The following ADGRE1 variants were observed in gnomAD, a reference collection of about 807,000 sequenced individuals.
The protein encoded by ADGRE1 is EGF-like module receptor 1.
ADGRE1 carries 82 observed loss-of-function variants against 102.7 expected under a neutral mutation model. That is an observed-to-expected ratio of 0.80 (90% CI 0.67 to 0.96). ADGRE1 has a LOEUF of 0.96. Ranked by LOEUF, ADGRE1 falls within the 40% of genes least tolerant of loss-of-function variation. The pLI is 0.00. For synonymous variants in ADGRE1, 398 were observed against 399.6 expected (o/e 1.00, Z 0.05); for missense variants, 1,032 against 1,085.3 (o/e 0.95, Z 0.69).
intron 8 of ADGRE1, among the ~76,000 whole-genome samples, chr19:6,905,308 A>G (rs1973913111): frequency 6.6e-6 from 1 of 151,062 alleles, no homozygotes; most frequent in Admixed American, 6.6e-5. Context: ...TGCTCATGCC[A>G]CTGCACTCAA....
intron 10 of ADGRE1, among the ~76,000 whole-genome samples, chr19:6,909,803 T>C (rs7408925): frequency 0.98 from 148,420 of 152,112 alleles, 72,509 homozygotes; most frequent in Middle Eastern, 1. Context: ...GGTGCGATCT[T>C]GGCTCACCGC....
intron 18 of ADGRE1, 128 bp from the exon 19 acceptor site, chr19:6,937,115 C>T: frequency 9.9e-7 from 1 of 1,005,092 alleles, no homozygotes; most frequent in South Asian, 1.6e-5. Context: ...TTGGAGACCC[C>T]ACCCTACATT....
chr19:6,922,938 G>A (rs913550815), intron 14 of ADGRE1, among the ~76,000 whole-genome samples: 6 of 151,828 alleles, frequency 4.0e-5, no homozygotes, highest in East Asian at 2.0e-4. Context: ...TTAGCCGGGC[G>A]TGGTGGCGGG....
intron 11 of ADGRE1, among the ~76,000 whole-genome samples, chr19:6,915,030 G>A (rs183191015): frequency 1.0e-3 from 159 of 151,538 alleles, no homozygotes; most frequent in African/African-American, 3.8e-3. Flanking sequence ...TCTTGAGACA[G>A]GTTCTCACTC....
At chr19:6,922,665 AAG>A (rs1284352438) in intron 14 of ADGRE1, among the ~76,000 whole-genome samples, 2 of 150,716 alleles carry the variant, frequency 1.3e-5, no homozygotes, top group African/African-American at 4.9e-5. Flanking sequence ...CACAAACAAA[AAG>A]AATTCTGAGG....
intron 15 of ADGRE1, among the ~76,000 whole-genome samples, chr19:6,925,809 C>T (rs1160796397): frequency 1.3e-5 from 2 of 152,026 alleles, no homozygotes; most frequent in Non-Finnish European, 2.9e-5. Context: ...GATCCTCCCA[C>T]GTTTGCCTCC....
Position 6,906,480 on chromosome 19 carries a change from A to G in ADGRE1, c.997A>G (p.Ile333Val), listed in dbSNP as rs1205040288. The change falls in exon 9 of 21, where the codon ATC becomes GTC. Residue 333 changes from isoleucine (I) to valine (V), a missense_variant. Physicochemically the swap from Ile to Val is conservative, Grantham distance 29 (BLOSUM62 3). Coordinates refer to ENST00000312053, the MANE Select transcript of ADGRE1 (RefSeq NM_001974.5). ...AGATGTGATACCCGATAATAAGCAG[A>G]TCCAGCAATGCCAAGAGGGAACCGC... ...KEDVIPDNKQIQQCQEGTAVK... is the reference protein window; with the variant it reads ...KEDVIPDNKQVQQCQEGTAVK... 6.2e-7 allele frequency: 1 copy of G among 1,613,970 alleles called. No homozygotes were observed. The highest frequency in any genetic ancestry group is 8.5e-7 in the Non-Finnish European group (1 of 1,179,892).
At position 6,897,495 on chromosome 19, in the gene ADGRE1, C is replaced by G; in HGVS notation, c.462C>G (p.Ser154Arg). The G allele has an allele frequency of 5.0e-6, 8 of 1,597,318 alleles. No homozygotes were observed. Among genetic ancestry groups the G allele is most frequent in the Non-Finnish European group, 6.8e-6 (8 of 1,174,090 alleles). The change falls in exon 5 of 21, where the codon AGC becomes AGG. Residue 154 changes from serine to arginine, a missense_variant. Coordinates refer to ENST00000312053, the MANE Select transcript of ADGRE1 (RefSeq NM_001974.5). ...EHSDCVNSMG[S>R]YSCSCQVGFI... is the part of the protein sequence containing the mutation. ...CTGACTGTGTCAACTCCATGGGAAGCTACAGTTGCAGCTGTCAAGTTGGAT... is the reference window on the plus strand; with the variant it reads ...CTGACTGTGTCAACTCCATGGGAAGGTACAGTTGCAGCTGTCAAGTTGGAT...
intron 3 of ADGRE1, chr19:6,896,839 T>G: frequency 8.3e-6 from 4 of 483,360 alleles, no homozygotes. Flanking sequence ...AAATAATTCC[T>G]GGTCACTGTA....
At chr19:6,925,937 A>G (rs1018244668) in intron 15 of ADGRE1, among the ~76,000 whole-genome samples, 1 of 152,062 alleles carries the variant, frequency 6.6e-6, no homozygotes, top group African/African-American at 2.4e-5. Flanking sequence ...GGCTTGAGCG[A>G]TCTGCCTGCC....
chr19:6,915,129 C>T (rs1184638645), intron 11 of ADGRE1, among the ~76,000 whole-genome samples: 1 of 152,084 alleles, frequency 6.6e-6, no homozygotes, highest in Non-Finnish European at 1.5e-5. Flanking sequence ...CCTCAGCCTC[C>T]TGAGTAGCTG....
chr19:6,909,811 C>T (rs751765897), intron 10 of ADGRE1, among the ~76,000 whole-genome samples: 4 of 151,968 alleles, frequency 2.6e-5, no homozygotes, highest in African/African-American at 7.3e-5. Context: ...CTTGGCTCAC[C>T]GCAACCTCCA....
At chr19:6,930,622 G>A (rs78833396) in intron 17 of ADGRE1, among the ~76,000 whole-genome samples, 3,319 of 151,946 alleles carry the variant, frequency 0.022, 130 homozygotes, top group African/African-American at 0.076. Flanking sequence ...TTTTTGTTTT[G>A]TTTTATTGTT....
At chr19:6,934,422 T>C (rs988349156) in intron 17 of ADGRE1, among the ~76,000 whole-genome samples, 66 of 144,340 alleles carry the variant, frequency 4.6e-4, no homozygotes, top group African/African-American at 7.4e-4. Flanking sequence ...TCTTCTTCTT[T>C]TTTTTTTTTT....
At position 6,901,774 on chromosome 19, in the gene ADGRE1, T is replaced by C. The variant is rs546368454; in HGVS notation, c.515-101T>C. 8 of 1,215,892 alleles carry C rather than the reference T, an allele frequency of 6.6e-6. 1 individual carries two copies. In the African/African-American group the frequency reaches 1.1e-4, roughly 16 times the overall value. 75.3% of individuals were successfully genotyped at this position (1,215,892 alleles called of 1,614,324 possible). A position where few individuals can be genotyped will look rare whatever the true frequency, so the allele number is the denominator to read the frequency against. On this transcript the variant is annotated intron_variant, in intron 5 of 20. Coordinates refer to ENST00000312053, the MANE Select transcript of ADGRE1 (RefSeq NM_001974.5). ...CATGGATATTGGGGAGCATCAGCCC[T>C]GTCTGCTGAAAATCAACACTCAGAG...
chr19:6,917,905 T>C (rs1974459745), intron 12 of ADGRE1, among the ~76,000 whole-genome samples: 2 of 152,294 alleles, frequency 1.3e-5, no homozygotes, highest in South Asian at 4.1e-4. Flanking sequence ...GGCTGTGATA[T>C]GGGCAATCCA....
chr19:6,931,207 T>C (rs7249745), intron 17 of ADGRE1, among the ~76,000 whole-genome samples: 81,944 of 151,414 alleles, frequency 0.54, 24,505 homozygotes, highest in African/African-American at 0.8. Context: ...CTGTGCCTAG[T>C]TTCATTTGTA....
rs1311109680 is a variant in ADGRE1, at chr19:6,887,584, C to G, written c.-25C>G. 3 of 1,611,208 alleles carry G rather than the reference C, an allele frequency of 1.9e-6. No homozygotes were observed. The highest frequency in any genetic ancestry group is 2.5e-6 in the Non-Finnish European group (3 of 1,178,832). On this transcript the variant is annotated 5_prime_UTR_variant, in exon 1 of 21. Transcript: ENST00000312053. The stretch of plus-strand genomic sequence containing the variant: ...CAGCGTTAGTAGAAAAGTTTCTTTT[C>G]TTTGAATGACAGAACTACAGCATAA...
At position 6,919,519 on chromosome 19, in the gene ADGRE1, TC is replaced by T. The variant is rs780029343; in HGVS notation, c.1421-27del. The T allele has an allele frequency of 3.2e-6, 5 of 1,564,134 alleles. No homozygotes were observed. The South Asian group carries it at 5.5e-5, about 17-fold the overall frequency. On this transcript the variant is annotated intron_variant, in intron 12 of 20. Coordinates refer to ENST00000312053, the MANE Select transcript of ADGRE1 (RefSeq NM_001974.5). ...AATAACAATTGAGCAAACGATTCCT[TC>T]CTTTTTTTCATTTGGGGAAACCTGC...
Sources: gnomAD v4.1 joint callset for allele counts (sites outside exome capture counted in the v4.1 genomes callset) on GRCh38, gnomAD v4.1.1 for gene constraint, MANE v1.5 for transcripts, NCBI Gene and HGNC (gene_info 2026-07-23, HGNC 2026-07-21) for gene names.